The following OSR1 variants were observed in gnomAD, a reference collection of about 807,000 sequenced individuals.
The protein encoded by OSR1 is odd-skipped related transcription factor 1.
Under a neutral mutation model 15.7 loss-of-function variants are expected in OSR1, and 3 were observed. The observed-to-expected ratio is 0.19, with a 90% CI of 0.09 to 0.50. OSR1 has a LOEUF of 0.50. Among genes scored for constraint, OSR1 ranks in the 20% least tolerant of loss-of-function variants. The pLI, the probability that OSR1 is intolerant of heterozygous loss-of-function variation, is 0.97. For missense variants in OSR1, 271 were observed against 351.1 expected, an observed-to-expected ratio of 0.77 and a Z score of 1.82; for synonymous variants, 166 against 152.7, an observed-to-expected ratio of 1.09 and a Z score of -0.64.
At chr2:19,358,114 C>A (rs1414803559) in intron 1 of OSR1, among the ~76,000 whole-genome samples, 1 of 152,370 alleles carries the variant, frequency 6.6e-6, no homozygotes, top group South Asian at 2.1e-4. Context: ...GGCCCGCCCC[C>A]CTTAATCCCC....
chr2:19,349,059 T>A (rs1455851065), downstream of OSR1, among the ~76,000 whole-genome samples: 1 of 152,220 alleles, frequency 6.6e-6, no homozygotes, highest in Non-Finnish European at 1.5e-5. Context: ...CTTATTGTGA[T>A]GGGGGTCTGG....
chr2:19,353,685 G>A lies in OSR1; in HGVS notation c.121C>T (p.Leu41=). 1 of 1,614,240 alleles carries A rather than the reference G, an allele frequency of 6.2e-7. No homozygotes were observed. The highest frequency in any genetic ancestry group is 8.5e-7 in the Non-Finnish European group (1 of 1,180,042). The part of the protein sequence containing the change: ...PTVPSDHLPN[L]YGFSALHAVH... ...GCGTGCAACGCGCTGAAACCATACA[G>A]GTTGGGCAGATGGTCCGAAGGCACT... The change falls in exon 2 of 3, where the codon CTG becomes TTG. Residue 41 remains leucine (L), a synonymous_variant. Coordinates refer to ENST00000272223, the MANE Select transcript of OSR1 (RefSeq NM_145260.3).
chr2:19,357,153 G>A lies in OSR1; in HGVS notation c.-33+1188C>T, dbSNP rs958482061. On this transcript the variant is annotated intron_variant, in intron 1 of 2. Coordinates refer to ENST00000272223, the MANE Select transcript of OSR1 (RefSeq NM_145260.3). This position sits in a 1 kb window ranked among gnomAD's most constrained non-coding sequence, Gnocchi z 5.0. ...GCACTTAAATGTCCGCTGCGTCCTC[G>A]GTGATCCATTCCCCAATCTTAATAA... 6.6e-6 allele frequency among the ~76,000 whole-genome samples: 1 copy of A among 152,124 alleles called. No individual in the cohort carries two copies. Among genetic ancestry groups the A allele is most frequent in the Non-Finnish European group, 1.5e-5 (1 of 68,048 alleles).
chr2:19,349,001 A>G (rs1398456111), downstream of OSR1, among the ~76,000 whole-genome samples: 2 of 152,212 alleles, frequency 1.3e-5, no homozygotes, highest in Non-Finnish European at 2.9e-5. Context: ...CTCCTGAAAA[A>G]TAGCCCCAGC....
Position 19,357,122 on chromosome 2 carries a change from C to T in OSR1, c.-33+1219G>A, listed in dbSNP as rs1297229524. 1.3e-5 allele frequency among the ~76,000 whole-genome samples: 2 copies of T among 152,172 alleles called. No individual in the cohort carries two copies. The highest frequency in any genetic ancestry group is 2.4e-5 in the African/African-American group (1 of 41,440). On this transcript the variant is annotated intron_variant, in intron 1 of 2. Coordinates refer to ENST00000272223, the MANE Select transcript of OSR1 (RefSeq NM_145260.3). The surrounding 1 kb of genome is among the most constrained non-coding windows in gnomAD (Gnocchi z 5.0). ...ACGAACCCATTGGCAAGGCGGTCAT[C>T]CGGCTGCACTTAAATGTCCGCTGCG...
chr2:19,352,075 G>A lies in OSR1; in HGVS notation c.*200C>T. The A allele has an allele frequency of 4.0e-6, 2 of 500,302 alleles. No homozygotes were observed. The highest frequency in any genetic ancestry group is 3.6e-5 in the Admixed American group (1 of 27,862). 31.0% of individuals were successfully genotyped at this position (500,302 alleles called of 1,614,324 possible). A position where few individuals can be genotyped will look rare whatever the true frequency, so the allele number is the denominator to read the frequency against. ...GGCCAAGAGTTTAGCCGCGTCCTAG[G>A]GGAGCAGCAGGGACGGTCGGGGTCG... On this transcript the variant is annotated 3_prime_UTR_variant, in exon 3 of 3. Transcript: ENST00000272223.
rs753222267 is a variant in OSR1, at chr2:19,353,759, A to C, written c.47T>G (p.Leu16Arg). 6.2e-7 allele frequency: 1 copy of C among 1,613,854 alleles called. No individual in the cohort carries two copies. Among genetic ancestry groups the C allele is most frequent in the East Asian group, 2.2e-5 (1 of 44,858 alleles). ...LPAPVPIHPS[L>R]QLTNYSFLQA... ...AAGGAAGGAGTAGTTGGTGAGCTGC[A>C]GGGAAGGGTGGATAGGCACCGGCGC... is the stretch of plus-strand genomic sequence containing the variant. The change falls in exon 2 of 3, where the codon CTG becomes CGG. Residue 16 changes from leucine (L) to arginine (R), a missense_variant. Leu to Arg is a moderately radical substitution (Grantham distance 102). Transcript: ENST00000272223.
rs942070077 is a variant in OSR1 at position 19,352,147 on chromosome 2, G to A, written c.*128C>T. On this transcript the variant is annotated 3_prime_UTR_variant, in exon 3 of 3. Coordinates refer to ENST00000272223, the MANE Select transcript of OSR1 (RefSeq NM_145260.3). ...AGTGCCGCGTGCGCCAGGGACCCAGGGGACAATGTTGGAGAGGTGGAAGGT... is the reference window on the plus strand; with the variant it reads ...AGTGCCGCGTGCGCCAGGGACCCAGAGGACAATGTTGGAGAGGTGGAAGGT... 5.6e-5 allele frequency: 61 copies of A among 1,094,782 alleles called. 1 individual carries two copies. The East Asian group carries it at 1.6e-3, about 28-fold the overall frequency. 67.8% of individuals were successfully genotyped at this position (1,094,782 alleles called of 1,614,324 possible). A position where few individuals can be genotyped will look rare whatever the true frequency, so the allele number is the denominator to read the frequency against.
chr2:19,352,479 C>T, intron 2 of OSR1, 69 bp from the exon 3 acceptor site: 2 of 1,569,772 alleles, frequency 1.3e-6, no homozygotes, highest in Non-Finnish European at 1.7e-6. Flanking sequence ...CCCAAGATCC[C>T]CTCCCACTGC....
At position 19,353,661 on chromosome 2, in the gene OSR1, C is replaced by T. The variant is rs748922957; in HGVS notation, c.145G>A (p.Ala49Thr). 5 of 1,614,102 alleles carry T rather than the reference C, an allele frequency of 3.1e-6. No individual in the cohort carries two copies. The South Asian group carries it at 5.5e-5, about 18-fold the overall frequency. ...PNLYGFSALH[A>T]VHLHQWTLGY... The stretch of plus-strand genomic sequence containing the variant: ...AGCGTCCACTGATGCAGGTGCACAG[C>T]GTGCAACGCGCTGAAACCATACAGG... The change falls in exon 2 of 3, where the codon GCT becomes ACT. Residue 49 changes from alanine (A) to threonine (T), a missense_variant. By Grantham distance (58) the Ala-to-Thr change is moderately conservative. Coordinates refer to ENST00000272223, the MANE Select transcript of OSR1 (RefSeq NM_145260.3).
chr2:19,344,940 T>C, the OSR1 span, among the ~76,000 whole-genome samples: 1 of 152,130 alleles, frequency 6.6e-6, no homozygotes, highest in Non-Finnish European at 1.5e-5. Flanking sequence ...GTTGGACAAC[T>C]AGAAACATAA....
At position 19,357,890 on chromosome 2, in the gene OSR1, G is replaced by C. The variant is rs1257878306; in HGVS notation, c.-33+451C>G. On this transcript the variant is annotated intron_variant, in intron 1 of 2. Transcript: ENST00000272223. This position sits in a 1 kb window ranked among gnomAD's most constrained non-coding sequence, Gnocchi z 5.0. ...CGAGCTGGGGCATGCACCTGTCCCT[G>C]GCGCGGTCGGCTGCGGCTGTGGCCA... 2 of 152,346 alleles carry C rather than the reference G, an allele frequency of 1.3e-5. No homozygotes were observed. Among genetic ancestry groups the C allele is most frequent in the African/African-American group, 4.8e-5 (2 of 41,474 alleles). The allele number at this position is 152,346 out of a possible 1,614,324, so 9.4% of individuals were successfully genotyped here.
chr2:19,353,291 T>G lies in OSR1; in HGVS notation c.515A>C (p.Lys172Thr). The change falls in exon 2 of 3, where the codon AAG (lysine) becomes ACG (threonine). Residue 172 changes from lysine to threonine, a missense_variant. Physicochemically the swap from Lys to Thr is moderately conservative, Grantham distance 78. Around this residue, in one of 4 missense-constraint regions of OSR1, gnomAD observed 32 missense variants for 66.8 expected, o/e 0.48. Coordinates refer to ENST00000272223, the MANE Select transcript of OSR1 (RefSeq NM_145260.3). ...ACAGAACTTGCAGACGAATTCCTTCTTGGTCTTGGAAGGCAGACGTCCCCT... is the reference window on the plus strand; with the variant it reads ...ACAGAACTTGCAGACGAATTCCTTCGTGGTCTTGGAAGGCAGACGTCCCCT... ...PTRGRLPSKTKKEFVCKFCGR... is the reference protein window; with the variant it reads ...PTRGRLPSKTTKEFVCKFCGR... The G allele has an allele frequency of 6.2e-7, 1 of 1,614,232 alleles. No individual in the cohort carries two copies. The highest frequency in any genetic ancestry group is 8.5e-7 in the Non-Finnish European group (1 of 1,180,040).
chr2:19,352,257 G>T lies in OSR1; in HGVS notation c.*18C>A, dbSNP rs1172360309. 3 of 1,613,606 alleles carry T rather than the reference G, an allele frequency of 1.9e-6. No homozygotes were observed. Among genetic ancestry groups the T allele is most frequent in the African/African-American group, 2.7e-5 (2 of 74,932 alleles). On this transcript the variant is annotated 3_prime_UTR_variant, in exon 3 of 3. Transcript: ENST00000272223. ...GAGGGCCGCTGGGCCTAGGGTCCTTGTGACCCACAGGTTCTATTTAGCATT... is the reference window on the plus strand; with the variant it reads ...GAGGGCCGCTGGGCCTAGGGTCCTTTTGACCCACAGGTTCTATTTAGCATT...
At chr2:19,351,296 T>C (rs980477381), downstream of OSR1, among the ~76,000 whole-genome samples, 1 of 151,948 alleles carries the variant, frequency 6.6e-6, no homozygotes, top group African/African-American at 2.4e-5. Flanking sequence ...GGAAAATCAA[T>C]ACATGGTGGG....
In OSR1 at chr2:19,353,291, T is replaced by C; in HGVS notation, c.515A>G (p.Lys172Arg). Residue 172 changes from lysine (K) to arginine (R), a missense_variant, in exon 2 of 3, where the codon AAG becomes AGG. Lys to Arg is a conservative substitution (Grantham distance 26). Coordinates refer to ENST00000272223, the MANE Select transcript of OSR1 (RefSeq NM_145260.3). ...ACAGAACTTGCAGACGAATTCCTTC[T>C]TGGTCTTGGAAGGCAGACGTCCCCT... ...PTRGRLPSKTKKEFVCKFCGR... is the reference protein window; with the variant it reads ...PTRGRLPSKTRKEFVCKFCGR... The C allele has an allele frequency of 6.2e-7, 1 of 1,614,232 alleles. No individual in the cohort carries two copies. Among genetic ancestry groups the C allele is most frequent in the East Asian group, 2.2e-5 (1 of 44,880 alleles).
rs1192682123 is a variant in OSR1 at position 19,352,290 on chromosome 2, G to A, written c.786C>T (p.Ser262=). 3.1e-6 allele frequency: 5 copies of A among 1,614,116 alleles called. No homozygotes were observed. The East Asian group carries it at 1.1e-4, about 36-fold the overall frequency. Residue 262 remains serine (S), a synonymous_variant, in exon 3 of 3, where the codon TCC becomes TCT. Coordinates refer to ENST00000272223, the MANE Select transcript of OSR1 (RefSeq NM_145260.3). ...CAGGTTCTATTTAGCATTTGATCTT[G>A]GAGGTTTTGAGCTCCTTCACCTGTG... is the stretch of plus-strand genomic sequence containing the variant. ...LHSQVKELKT[S]KIKC
At chr2:19,347,070 G>A (rs894716134), downstream of OSR1, among the ~76,000 whole-genome samples, 2 of 152,200 alleles carry the variant, frequency 1.3e-5, no homozygotes, top group Admixed American at 6.5e-5. Flanking sequence ...GGGGTTTCAA[G>A]AAGTCCACCA....
the OSR1 span, among the ~76,000 whole-genome samples, chr2:19,345,018 C>T: frequency 6.6e-6 from 1 of 151,962 alleles, no homozygotes; most frequent in African/African-American, 2.4e-5. Context: ...AACAGTCATA[C>T]ATGTATATGT....
Sources: gnomAD v4.1 joint callset for allele counts (sites outside exome capture counted in the v4.1 genomes callset) on GRCh38, gnomAD v4.1.1 for gene constraint, gnomAD v4.1.1 regional missense constraint, Gnocchi (gnomAD v3.1) non-coding constraint, MANE v1.5 for transcripts, NCBI Gene and HGNC (gene_info 2026-07-23, HGNC 2026-07-21) for gene names.